Variants in BRCA1 observed in about 807,000 individuals in gnomAD.
BRCA1 encodes breast cancer type 1 susceptibility protein.
Under a neutral mutation model 173.7 loss-of-function variants are expected in BRCA1, and 140 were observed. That is an observed-to-expected ratio of 0.81 (90% CI 0.70 to 0.93). The LOEUF is 0.93. Ranked by LOEUF, BRCA1 falls within the 40% of genes least tolerant of loss-of-function variation. The probability of loss-of-function intolerance (pLI) is 0.00; values close to 1 mark genes in which losing one functional copy is unlikely to be tolerated. For synonymous variants in BRCA1, 662 were observed against 756.0 expected (o/e 0.88, Z 2.04); for missense variants, 1,983 against 2,172.5 (o/e 0.91, Z 1.73).
chr17:43,102,380 C>G (rs1265856981), intron 6 of BRCA1, among the ~76,000 whole-genome samples: 18 of 53,206 alleles, frequency 3.4e-4, no homozygotes, highest in Non-Finnish European at 5.1e-4. Flanking sequence ...TTTTTTGAGA[C>G]GGAGTCTCGC....
chr17:43,155,204 C>CT (rs1567834424), intron 1 of BRCA1, among the ~76,000 whole-genome samples: 2 of 152,240 alleles, frequency 1.3e-5, no homozygotes, highest in Non-Finnish European at 2.9e-5. Flanking sequence ...GAGTCTCACT[C>CT]TGTCACCCAG....
upstream of BRCA1, among the ~76,000 whole-genome samples, chr17:43,127,171 G>C (rs1387807332): frequency 6.6e-6 from 1 of 152,228 alleles, no homozygotes; most frequent in Non-Finnish European, 1.5e-5. Context: ...CTCAGCGCCC[G>C]GTCCCATCGA....
intron 15 of BRCA1, among the ~76,000 whole-genome samples, chr17:43,068,652 T>C (rs2052255914): frequency 6.6e-6 from 1 of 152,150 alleles, no homozygotes. Context: ...ATAGTGACAC[T>C]CTACTGTACT....
At chr17:43,064,534 GT>G (rs1442167959) in intron 16 of BRCA1, among the ~76,000 whole-genome samples, 4 of 152,166 alleles carry the variant, frequency 2.6e-5, no homozygotes, top group Non-Finnish European at 1.5e-5. Context: ...ATTTCCCAGT[GT>G]TTCAAAGGCC....
At chr17:43,150,256 G>T (rs1597941179) in intron 1 of BRCA1, among the ~76,000 whole-genome samples, 2 of 151,964 alleles carry the variant, frequency 1.3e-5, no homozygotes, top group East Asian at 3.9e-4. Context: ...ACTACGGGCT[G>T]TCACTACTAC....
intron 14 of BRCA1, among the ~76,000 whole-genome samples, chr17:43,073,363 A>T (rs1242657876): frequency 2.0e-5 from 3 of 152,196 alleles, no homozygotes; most frequent in Non-Finnish European, 4.4e-5. Flanking sequence ...AATTAAAAAC[A>T]GCAGAGATGT....
At chr17:43,066,797 C>T (rs897610584) in intron 16 of BRCA1, among the ~76,000 whole-genome samples, 8 of 148,912 alleles carry the variant, frequency 5.4e-5, no homozygotes, top group Non-Finnish European at 1.0e-4. Context: ...TATCTCAGCT[C>T]ACCACCCTCC....
At chr17:43,123,108 A>G (rs186169069) in intron 2 of BRCA1, among the ~76,000 whole-genome samples, 183 of 151,680 alleles carry the variant, frequency 1.2e-3, no homozygotes, top group African/African-American at 4.3e-3. Context: ...GTGCACACCT[A>G]TCGTCCCTGC....
chr17:43,162,478 G>A (rs2056242589), intron 1 of BRCA1: 1 of 152,146 alleles, frequency 6.6e-6, no homozygotes. Context: ...GGTCATGGGA[G>A]GCTCAGATGG....
intron 1 of BRCA1, among the ~76,000 whole-genome samples, chr17:43,133,480 C>G (rs959127131): frequency 4.3e-4 from 66 of 152,072 alleles, no homozygotes; most frequent in African/African-American, 1.5e-3. Flanking sequence ...TTGAATAACT[C>G]TGGGTAGTGC....
intron 1 of BRCA1, among the ~76,000 whole-genome samples, chr17:43,143,974 A>C (rs1003911382): frequency 6.6e-6 from 1 of 152,172 alleles, no homozygotes; most frequent in Non-Finnish European, 1.5e-5. Flanking sequence ...TAATCCCAGC[A>C]CTTTGGGAGG....
chr17:43,143,572 G>T (rs1306386449), intron 1 of BRCA1, among the ~76,000 whole-genome samples: 2 of 152,126 alleles, frequency 1.3e-5, no homozygotes, highest in African/African-American at 4.8e-5. Flanking sequence ...ACCAATTCTT[G>T]TTCATTCAGA....
chr17:43,106,311 C>A, intron 4 of BRCA1, 145 bp downstream of exon 4: 1 of 588,086 alleles, frequency 1.7e-6, no homozygotes, highest in South Asian at 2.3e-5. Flanking sequence ...AGGAAAATAA[C>A]TTTGGAAATA....
chr17:43,145,249 G>A (rs1173989073), intron 1 of BRCA1: 3 of 683,750 alleles, frequency 4.4e-6, no homozygotes, highest in Middle Eastern at 2.5e-4. Context: ...AAGAAGCCAA[G>A]TCTGATGAAT....
chr17:43,116,359 GATT>G (rs2055294818), intron 2 of BRCA1, among the ~76,000 whole-genome samples: 1 of 151,994 alleles, frequency 6.6e-6, no homozygotes, highest in Non-Finnish European at 1.5e-5. Context: ...CCCTACCCCA[GATT>G]ATTTTAATTA....
At chr17:43,047,262 G>A (rs1220655468) in intron 22 of BRCA1, among the ~76,000 whole-genome samples, 1 of 151,844 alleles carries the variant, frequency 6.6e-6, no homozygotes, top group African/African-American at 2.4e-5. Context: ...ACCACACCCA[G>A]CTACTTTTTA....
In BRCA1 at chr17:43,155,248, T is replaced by G. The variant is rs145981568; in HGVS notation, c.-20+14878A>C. On this transcript the variant is annotated intron_variant, in intron 1 of 7. Transcript: ENST00000634433. ...GCAGTGGCACAATCTCAGCTCTCTG[T>G]AACCTCTGCCTCCTGGGTTCAAGTG... Among the ~76,000 whole-genome samples the G allele has an allele frequency of 1.3e-3, 196 of 151,856 alleles. 1 individual carries two copies. The highest frequency in any genetic ancestry group is 4.5e-3 in the African/African-American group (186 of 41,422).
chr17:43,140,833 C>T (rs1007709500), intron 1 of BRCA1, among the ~76,000 whole-genome samples: 1 of 152,168 alleles, frequency 6.6e-6, no homozygotes, highest in Non-Finnish European at 1.5e-5. Flanking sequence ...ATGGACTCTC[C>T]CCAGGCGGCC....
At chr17:43,077,674 CT>C (rs2052800161) in intron 12 of BRCA1, among the ~76,000 whole-genome samples, 1 of 151,816 alleles carries the variant, frequency 6.6e-6, no homozygotes, top group South Asian at 2.1e-4. Context: ...AAATGTATCA[CT>C]TTGTGCCACT....
Sources: allele counts gnomAD v4.1 joint callset (sites outside exome capture counted in the v4.1 genomes callset), GRCh38; gene constraint gnomAD v4.1.1; transcripts MANE v1.5; gene names NCBI Gene and HGNC (gene_info 2026-07-23, HGNC 2026-07-21).